Variants in DHPS observed in about 807,000 individuals in gnomAD.
DHPS encodes deoxyhypusine synthase.
A neutral mutation model predicts 38.7 loss-of-function variants in DHPS; 24 were observed. The ratio of observed to expected loss-of-function variants is 0.62; its 90% confidence interval spans 0.45 to 0.87. DHPS has a LOEUF of 0.87. DHPS is among the 40% of genes least tolerant of loss of function. The pLI, the probability that DHPS is intolerant of heterozygous loss-of-function variation, is 0.00. For missense variants in DHPS, 510 were observed against 497.6 expected, an observed-to-expected ratio of 1.02 and a Z score of -0.24; for synonymous variants, 250 against 204.4, an observed-to-expected ratio of 1.22 and a Z score of -1.90.
In DHPS at chr19:12,675,802, G is replaced by C. The variant is rs1421261108; in HGVS notation, c.*36C>G. ...GGCTGGGTCTGCAAATTAATAAATA[G>C]AAGAGGGGGTAAGACCTTCCTGGGA... On this transcript the variant is annotated 3_prime_UTR_variant, in exon 9 of 9. Coordinates refer to ENST00000210060, the MANE Select transcript of DHPS (RefSeq NM_001930.4). 7.0e-6 allele frequency: 11 copies of C among 1,571,184 alleles called. No homozygotes were observed. Among genetic ancestry groups the C allele is most frequent in the Non-Finnish European group, 8.6e-6 (10 of 1,156,420 alleles).
intron 5 of DHPS, 76 bp from the exon 6 acceptor site, chr19:12,677,472 T>C (rs2024646606): frequency 2.4e-6 from 3 of 1,249,166 alleles, no homozygotes; most frequent in Non-Finnish European, 3.4e-6. Flanking sequence ...TATCTGACTG[T>C]GGATGGGGTG....
At chr19:12,681,472 C>A (rs1183754297) in intron 1 of DHPS, 88 bp downstream of exon 1, 2 of 1,454,356 alleles carry the variant, frequency 1.4e-6, no homozygotes, top group East Asian at 2.4e-5. Flanking sequence ...CATATCCCCT[C>A]CACTGGAAAC....
intron 5 of DHPS, 133 bp downstream of exon 5, chr19:12,679,324 T>C: frequency 1.2e-6 from 1 of 862,136 alleles, no homozygotes; most frequent in Non-Finnish European, 1.9e-6. Flanking sequence ...ACCACGCCTA[T>C]CTGTGTTTGA....
Position 12,677,093 on chromosome 19 carries a change from G to C in DHPS, c.888+15C>G. On this transcript the variant is annotated intron_variant, in intron 7 of 8. Coordinates refer to ENST00000210060, the MANE Select transcript of DHPS (RefSeq NM_001930.4). Reference sequence around the variant, plus strand: ...GCATGTCTGCAGAGTGGGCCGAAGCGCCACCCCCACTCACCATGAGGTTGG... The same window carrying C: ...GCATGTCTGCAGAGTGGGCCGAAGCCCCACCCCCACTCACCATGAGGTTGG... 1 of 1,611,416 alleles carries C rather than the reference G, an allele frequency of 6.2e-7. No individual in the cohort carries two copies. The highest frequency in any genetic ancestry group is 8.5e-7 in the Non-Finnish European group (1 of 1,177,744).
At chr19:12,673,250 C>T (rs750621042), downstream of DHPS, 37 of 1,613,860 alleles carry the variant, frequency 2.3e-5, no homozygotes, top group Non-Finnish European at 2.9e-5. Flanking sequence ...GCTGCCTGAG[C>T]GAGCGTGACA....
At chr19:12,681,518 C>T (rs759672726) in intron 1 of DHPS, 42 bp downstream of exon 1, 1 of 1,610,024 alleles carries the variant, frequency 6.2e-7, no homozygotes, top group African/African-American at 1.3e-5. Flanking sequence ...GTTCTACAAG[C>T]CACGCCCCTC....
downstream of DHPS, among the ~76,000 whole-genome samples, chr19:12,674,547 GCC>G (rs2145329778): frequency 6.6e-6 from 1 of 152,324 alleles, no homozygotes; most frequent in South Asian, 2.1e-4. Flanking sequence ...AACAGAAGTT[GCC>G]TTGGAGGGCA....
chr19:12,678,475 G>C (rs557273682), intron 5 of DHPS, among the ~76,000 whole-genome samples: 7 of 151,368 alleles, frequency 4.6e-5, no homozygotes, highest in African/African-American at 1.7e-4. Context: ...TCGTAAAAAA[G>C]AAAGAGTAAG....
intron 5 of DHPS, among the ~76,000 whole-genome samples, chr19:12,679,011 C>T (rs2024709660): frequency 6.6e-6 from 1 of 150,666 alleles, no homozygotes. Flanking sequence ...AATTACCTAG[C>T]CTGGCTGGGC....
Position 12,675,929 on chromosome 19 carries a change from T to C in DHPS, c.1019A>G (p.Tyr340Cys), listed in dbSNP as rs1408141459. 3 of 1,605,220 alleles carry C rather than the reference T, an allele frequency of 1.9e-6. No homozygotes were observed. The highest frequency in any genetic ancestry group is 1.7e-5 in the Admixed American group (1 of 58,868). Reference sequence around the variant, plus strand: ...GGGGAAGACCAGGGAGGCGTCAGCATAGACCTGGGTAGGGGGGAACCTGGG... The same window carrying C: ...GGGGAAGACCAGGGAGGCGTCAGCACAGACCTGGGTAGGGGGGAACCTGGG... ...IRVDAQPVKV[Y>C]ADASLVFPLL... The change falls in exon 9 of 9, where the codon TAT (tyrosine) becomes TGT (cysteine). Residue 340 changes from tyrosine (Y) to cysteine (C), a missense_variant. By Grantham distance (194) the Tyr-to-Cys change is radical. Transcript: ENST00000210060.
chr19:12,672,999 T>C (rs764808240), downstream of DHPS: 30 of 1,611,484 alleles, frequency 1.9e-5, no homozygotes, highest in African/African-American at 8.0e-5. Context: ...TACCCACCCT[T>C]CCCCCAAGGC....
downstream of DHPS, among the ~76,000 whole-genome samples, chr19:12,674,645 G>A (rs2024516428): frequency 6.6e-6 from 1 of 152,194 alleles, no homozygotes; most frequent in African/African-American, 2.4e-5. Flanking sequence ...ACCAGGGGAA[G>A]TGGGGATCAT....
intron 5 of DHPS, 59 bp from the exon 6 acceptor site, chr19:12,677,455 A>G (rs2024644600): frequency 4.2e-6 from 6 of 1,442,058 alleles, no homozygotes; most frequent in Non-Finnish European, 4.8e-6. Context: ...CATGCTGGCT[A>G]TATGACTATC....
rs756726805 is a variant in DHPS at position 12,680,033 on chromosome 19, A to G, written c.373-111T>C. The G allele has an allele frequency of 2.0e-5, 31 of 1,553,822 alleles. No individual in the cohort carries two copies. The African/African-American group carries it at 3.7e-4, about 18-fold the overall frequency. On this transcript the variant is annotated intron_variant, in intron 2 of 8. Transcript: ENST00000210060. ...GTGACTCTTATGAGGGAGCTCTGCT[A>G]CAAAACAAAACTTGATTCTATTCCT...
At chr19:12,676,967 T>C in intron 7 of DHPS, 141 bp downstream of exon 7, 1 of 724,510 alleles carries the variant, frequency 1.4e-6, no homozygotes, top group South Asian at 1.7e-5. Flanking sequence ...ATGTCACTTG[T>C]TTGCTATCTC....
At chr19:12,680,376 C>A in intron 1 of DHPS, 51 bp from the exon 2 acceptor site, 1 of 1,603,680 alleles carries the variant, frequency 6.2e-7, no homozygotes, top group Non-Finnish European at 8.5e-7. Context: ...ATCCCAGACT[C>A]AGGACTCCAG....
At position 12,680,201 on chromosome 19, in the gene DHPS, CCTGAA is replaced by C. The variant is rs868244234; in HGVS notation, c.327_331del (p.Ser109ArgfsTer4). The C allele has an allele frequency of 6.2e-7, 1 of 1,614,194 alleles. No individual in the cohort carries two copies. The highest frequency in any genetic ancestry group is 8.5e-7 in the Non-Finnish European group (1 of 1,180,030). On this transcript the variant is annotated frameshift_variant, in exon 2 of 9. Coordinates refer to ENST00000210060, the MANE Select transcript of DHPS (RefSeq NM_001930.4). LOFTEE classifies it high-confidence loss of function. ...AAGGTAGCGAATGGTCTCACGGATG[CCTGAA>C]CTGATGAGGTTGGATGTATATCCCA...
At position 12,675,882 on chromosome 19, in the gene DHPS, CA is replaced by C; in HGVS notation, c.1065del (p.Phe355LeufsTer31). The C allele has an allele frequency of 6.2e-7, 1 of 1,610,102 alleles. No homozygotes were observed. Among genetic ancestry groups the C allele is most frequent in the Non-Finnish European group, 8.5e-7 (1 of 1,178,028 alleles). ...LVFPLLVAET[F>X]AQKMDAFMHE... ...TGCATGAAGGCATCCATCTTCTGGGCAAAGGTTTCAGCCACAAGCAGGGGGA... is the reference window on the plus strand; with the variant it reads ...TGCATGAAGGCATCCATCTTCTGGGCAAGGTTTCAGCCACAAGCAGGGGGA... On this transcript the variant is annotated frameshift_variant, in exon 9 of 9. Transcript: ENST00000210060. LOFTEE classifies it high-confidence loss of function.
At chr19:12,680,076 C>CT in intron 2 of DHPS, 85 bp downstream of exon 2, 1 of 1,579,806 alleles carries the variant, frequency 6.3e-7, no homozygotes, top group Non-Finnish European at 8.7e-7. Flanking sequence ...TAACAGACCC[C>CT]TATCTGCCCA....
Sources: allele counts gnomAD v4.1 joint callset (sites outside exome capture counted in the v4.1 genomes callset), GRCh38; gene constraint gnomAD v4.1.1; transcripts MANE v1.5; gene names NCBI Gene and HGNC (gene_info 2026-07-23, HGNC 2026-07-21).